CEP162: variants seen among roughly 807,000 people sequenced by gnomAD.
The protein encoded by CEP162 is centrosomal protein of 162 kDa.
In CEP162, 141 loss-of-function variants were observed where a neutral mutation model predicts 169.2. The ratio of observed to expected loss-of-function variants is 0.83; its 90% CI spans 0.73 to 0.96. CEP162 has a LOEUF of 0.96. Among genes scored for constraint, CEP162 ranks in the 40% least tolerant of loss-of-function variants. The pLI is 0.00. For synonymous variants in CEP162, 540 were observed against 526.4 expected (o/e 1.03, Z -0.35); for missense variants, 1,600 against 1,587.2 (o/e 1.01, Z -0.14).
chr6:84,186,753 A>C (rs7762093), intron 11 of CEP162, 130 bp from the exon 12 acceptor site: 44,640 of 709,312 alleles, frequency 0.063, 2,862 homozygotes, highest in African/African-American at 0.26. Flanking sequence ...AATTAAGTTA[A>C]TGATGTTAAA....
chr6:84,155,563 A>C, intron 21 of CEP162, 53 bp from the exon 22 acceptor site: 1 of 1,238,068 alleles, frequency 8.1e-7, no homozygotes, highest in East Asian at 2.3e-5. Context: ...AAATGAATTC[A>C]GTAAAGTTTC....
rs989460722 is a variant in CEP162, at chr6:84,130,778, A to G, written c.3871-4266T>C. Among the ~76,000 whole-genome samples, 4 of 151,730 alleles carry G rather than the reference A, an allele frequency of 2.6e-5. No individual in the cohort carries two copies. The South Asian group carries it at 8.3e-4, about 32-fold the overall frequency. ...TCTTTATTAATTTGGCTAGTGGTCTATTTTGTTGATCTTTTCAAAAAACCA... is the reference window on the plus strand; with the variant it reads ...TCTTTATTAATTTGGCTAGTGGTCTGTTTTGTTGATCTTTTCAAAAAACCA... On this transcript the variant is annotated intron_variant, in intron 25 of 26. Transcript: ENST00000403245.
chr6:84,144,813 A>G (rs1387374484), intron 25 of CEP162, among the ~76,000 whole-genome samples: 1 of 152,146 alleles, frequency 6.6e-6, no homozygotes. Context: ...TTTTCTCTTA[A>G]GCTATCCATA....
chr6:84,176,894 A>T (rs113195272), intron 13 of CEP162, among the ~76,000 whole-genome samples: 5,309 of 146,682 alleles, frequency 0.036, 337 homozygotes, highest in African/African-American at 0.13. Flanking sequence ...ATTTATTTTA[A>T]TTTTTTTTTT....
chr6:84,193,120 T>C (rs2099540594), intron 11 of CEP162, among the ~76,000 whole-genome samples: 1 of 152,250 alleles, frequency 6.6e-6, no homozygotes, highest in South Asian at 2.1e-4. Context: ...TGTTACTCCG[T>C]GTTGAAGAAT....
chr6:84,155,850 A>G, intron 21 of CEP162, among the ~76,000 whole-genome samples: 1 of 152,086 alleles, frequency 6.6e-6, no homozygotes, highest in East Asian at 1.9e-4. Context: ...AAATTACCAA[A>G]GTCATTTTTC....
At chr6:84,161,237 A>G (rs768529087) in intron 20 of CEP162, among the ~76,000 whole-genome samples, 29 of 152,198 alleles carry the variant, frequency 1.9e-4, no homozygotes, top group Non-Finnish European at 3.2e-4. Flanking sequence ...AGGGCTAAGA[A>G]GAAAATAAAA....
chr6:84,194,807 G>A, intron 10 of CEP162, 77 bp downstream of exon 10: 1 of 1,126,256 alleles, frequency 8.9e-7, no homozygotes, highest in Non-Finnish European at 1.3e-6. Flanking sequence ...ACAGCAAATT[G>A]TATTTTAATT....
chr6:84,172,945 G>C (rs1263756929), intron 16 of CEP162, among the ~76,000 whole-genome samples: 10 of 152,114 alleles, frequency 6.6e-5, no homozygotes, highest in Non-Finnish European at 5.9e-5. Context: ...TTGACTGTCA[G>C]GCTAGCAACA....
In CEP162 at chr6:84,226,387, T is replaced by C. The variant is rs2099555763; in HGVS notation, c.7A>G (p.Asn3Asp). ...TCATCTAGCTCTTCTTGGGAACAGT[T>C]AGCCATAGTCAACAATTTTGACCTC... is the stretch of plus-strand genomic sequence containing the variant. MA[N>D]CSQEELDEEF... Residue 3 changes from asparagine (N) to aspartate (D), a missense_variant, in exon 2 of 27, where the codon AAC becomes GAC. Coordinates refer to ENST00000403245, the MANE Select transcript of CEP162 (RefSeq NM_014895.4). 6.4e-7 allele frequency: 1 copy of C among 1,568,780 alleles called. No individual in the cohort carries two copies. The highest frequency in any genetic ancestry group is 8.7e-7 in the Non-Finnish European group (1 of 1,154,060).
At chr6:84,148,195 C>T (rs773003520) in intron 24 of CEP162, among the ~76,000 whole-genome samples, 7 of 151,988 alleles carry the variant, frequency 4.6e-5, no homozygotes, top group South Asian at 2.1e-4. Flanking sequence ...TTTTCATTAA[C>T]GTAGTCAAAT....
chr6:84,146,183 A>G (rs1184343900), intron 25 of CEP162, among the ~76,000 whole-genome samples: 1 of 152,142 alleles, frequency 6.6e-6, no homozygotes, highest in East Asian at 1.9e-4. Context: ...AAAGCTACCA[A>G]CTTGGAGAGT....
rs140250600 is a variant in CEP162 at position 84,130,938 on chromosome 6, T to C, written c.3871-4426A>G. Among the ~76,000 whole-genome samples the C allele has an allele frequency of 7.5e-3, 1,149 of 152,336 alleles. 15 individuals carry two copies. Among genetic ancestry groups the C allele is most frequent in the African/African-American group, 0.027 (1,104 of 41,560 alleles). On this transcript the variant is annotated intron_variant, in intron 25 of 26. Coordinates refer to ENST00000403245, the MANE Select transcript of CEP162 (RefSeq NM_014895.4). ...GCTCTTGCTTCTCTAGTTCTATTAA[T>C]TGTGATGTTAGGGTGTTGATTTTAG...
chr6:84,131,045 G>A (rs534544886), intron 25 of CEP162, among the ~76,000 whole-genome samples: 1 of 152,208 alleles, frequency 6.6e-6, no homozygotes, highest in South Asian at 2.1e-4. Flanking sequence ...CAGAGATTCT[G>A]GTACGTCATG....
intron 11 of CEP162, among the ~76,000 whole-genome samples, chr6:84,190,998 G>T (rs77523363): frequency 0.016 from 2,432 of 152,246 alleles, 55 homozygotes; most frequent in African/African-American, 0.054. Flanking sequence ...TAATGAGGTT[G>T]TTTTTTGCTT....
chr6:84,127,620 A>G (rs1006772877), intron 25 of CEP162, among the ~76,000 whole-genome samples: 2 of 152,190 alleles, frequency 1.3e-5, no homozygotes, highest in Admixed American at 6.5e-5. Context: ...AAGCTGATAA[A>G]GGCATAGTCA....
At chr6:84,175,512 C>T (rs115533300) in intron 13 of CEP162, among the ~76,000 whole-genome samples, 165 bp from the exon 14 acceptor site, 3,995 of 152,248 alleles carry the variant, frequency 0.026, 162 homozygotes, top group African/African-American at 0.092. Flanking sequence ...TAACTGATTG[C>T]ATTCAGAAAG....
At chr6:84,179,342 T>C (rs1172508964) in intron 13 of CEP162, among the ~76,000 whole-genome samples, 1 of 152,244 alleles carries the variant, frequency 6.6e-6, no homozygotes, top group Non-Finnish European at 1.5e-5. Context: ...GACTTTTTAA[T>C]GATCGCCATT....
chr6:84,155,503 T>G lies in CEP162; in HGVS notation c.2789A>C (p.Glu930Ala). 6.3e-7 allele frequency: 1 copy of G among 1,599,396 alleles called. No individual in the cohort carries two copies. ...TCTTCTCTTCAGAATCCCTTCCATTTCCTTAACCTATTAAAACATATTTTC... is the reference window on the plus strand; with the variant it reads ...TCTTCTCTTCAGAATCCCTTCCATTGCCTTAACCTATTAAAACATATTTTC... ...KIQDLERQVKEMEGILKRRYP... is the reference protein window; with the variant it reads ...KIQDLERQVKAMEGILKRRYP... Residue 930 changes from glutamate (E) to alanine (A), a missense_variant, in exon 22 of 27, where the codon GAA becomes GCA. Transcript: ENST00000403245.
Sources: gnomAD v4.1 joint callset for allele counts (sites outside exome capture counted in the v4.1 genomes callset) on GRCh38, gnomAD v4.1.1 for gene constraint, MANE v1.5 for transcripts, NCBI Gene and HGNC (gene_info 2026-07-23, HGNC 2026-07-21) for gene names.